CLSTN1: variants seen among roughly 807,000 people sequenced by gnomAD.
CLSTN1 encodes calsyntenin 1, also known as calsyntenin-1.
Under a neutral mutation model 108.3 loss-of-function variants are expected in CLSTN1, and 28 were observed. The observed-to-expected ratio is 0.26, with a 90% CI of 0.19 to 0.35. The LOEUF is 0.35. CLSTN1 is among the 10% of genes least tolerant of loss of function. CLSTN1 has a pLI of 1.00. For missense variants in CLSTN1, 1,157 were observed against 1,302.6 expected, an observed-to-expected ratio of 0.89 and a Z score of 1.72; for synonymous variants, 524 against 534.9, an observed-to-expected ratio of 0.98 and a Z score of 0.28.
At chr1:9,787,178 CAGA>C (rs111817764) in intron 1 of CLSTN1, among the ~76,000 whole-genome samples, 23,772 of 150,710 alleles carry the variant, frequency 0.16, 3,223 homozygotes, top group African/African-American at 0.35. Context: ...CAGGAGAATC[CAGA>C]AGAAGGGGCT....
intron 2 of CLSTN1, among the ~76,000 whole-genome samples, chr1:9,769,891 G>A (rs910290610): frequency 2.0e-5 from 3 of 152,196 alleles, no homozygotes; most frequent in South Asian, 2.1e-4. Flanking sequence ...TTAGCCGGGC[G>A]CGGTGGCGGA....
rs1026023641 is a variant in CLSTN1, at chr1:9,742,910, G to GA, written c.1356+973dup. Among the ~76,000 whole-genome samples, 117 of 147,568 alleles carry GA rather than the reference G, an allele frequency of 7.9e-4. 1 individual carries two copies. Among genetic ancestry groups the GA allele is most frequent in the Middle Eastern group, 3.5e-3 (1 of 284 alleles). The stretch of plus-strand genomic sequence containing the variant: ...AACAAAGCGAGACTCAGTCTCGGGG[G>GA]AAAAAAAAAAGAGACAAATGCTACC... On this transcript the variant is annotated intron_variant, in intron 9 of 18. Transcript: ENST00000377298.
chr1:9,738,041 C>A (rs143844705), intron 10 of CLSTN1, among the ~76,000 whole-genome samples: 121 of 152,264 alleles, frequency 7.9e-4, no homozygotes, highest in African/African-American at 2.8e-3. Context: ...AGTAAGCATG[C>A]GGAAGTCTGT....
intron 1 of CLSTN1, among the ~76,000 whole-genome samples, chr1:9,804,693 A>C (rs1654432192): frequency 6.6e-6 from 1 of 152,088 alleles, no homozygotes; most frequent in Non-Finnish European, 1.5e-5. Context: ...AAAAATACAA[A>C]ATTTCAGGCA....
intron 2 of CLSTN1, among the ~76,000 whole-genome samples, chr1:9,758,072 C>A (rs1345751246): frequency 6.6e-6 from 1 of 152,108 alleles, no homozygotes; most frequent in East Asian, 1.9e-4. Flanking sequence ...CGGCTCACTG[C>A]AACCTCTGCC....
At position 9,780,696 on chromosome 1, in the gene CLSTN1, T is replaced by C. The variant is rs115828481; in HGVS notation, c.92-7302A>G. 1,053 of 152,824 alleles carry C rather than the reference T, an allele frequency of 6.9e-3. 7 individuals are homozygous for C. Among genetic ancestry groups the C allele is most frequent in the Non-Finnish European group, 0.011 (748 of 68,412 alleles). 9.5% of individuals were successfully genotyped at this position (152,824 alleles called of 1,614,324 possible). A position where few individuals can be genotyped will look rare whatever the true frequency, so the allele number is the denominator to read the frequency against. On this transcript the variant is annotated intron_variant, in intron 1 of 18. Coordinates refer to ENST00000377298, the MANE Select transcript of CLSTN1 (RefSeq NM_001009566.3). ...CAAGTGACCGATGTTTCTGTCATCA[T>C]CACAAAAAAATGGCAAAGACAAGAG...
intron 4 of CLSTN1, among the ~76,000 whole-genome samples, chr1:9,752,762 T>C (rs1028434391): frequency 6.6e-6 from 1 of 152,118 alleles, no homozygotes; most frequent in Non-Finnish European, 1.5e-5. Context: ...CTTGGGAGGC[T>C]GAGGCACGAG....
chr1:9,778,423 G>C (rs189422428), intron 1 of CLSTN1, among the ~76,000 whole-genome samples: 3 of 152,246 alleles, frequency 2.0e-5, no homozygotes, highest in Admixed American at 2.0e-4. Flanking sequence ...TTCTCTCATG[G>C]AGAAGATAGC....
chr1:9,776,862 T>TTATCTATCATCTATCAGCATCTATC (rs1553179995), intron 1 of CLSTN1, among the ~76,000 whole-genome samples: 3 of 140,020 alleles, frequency 2.1e-5, no homozygotes, highest in African/African-American at 8.9e-5. Context: ...CTATCAGCAT[T>TTATCTATCATCTATCAGCATCTATC]TATCTATCTA....
intron 2 of CLSTN1, among the ~76,000 whole-genome samples, chr1:9,768,696 T>G (rs1217280434): frequency 3.4e-3 from 69 of 20,400 alleles, no homozygotes; most frequent in Admixed American, 5.1e-3. Flanking sequence ...ACCATGGGGG[T>G]GGGGTTCTGT....
chr1:9,778,266 A>ACACACACACGCACG (rs1004270678), intron 1 of CLSTN1, among the ~76,000 whole-genome samples: 3 of 150,116 alleles, frequency 2.0e-5, no homozygotes, highest in African/African-American at 7.4e-5. Context: ...ACACACACAC[A>ACACACACACGCACG]CACGCAGACT....
intron 2 of CLSTN1, among the ~76,000 whole-genome samples, chr1:9,766,573 T>C (rs964927930): frequency 1.3e-5 from 2 of 152,062 alleles, no homozygotes; most frequent in African/African-American, 2.4e-5. Context: ...GGCATGAGAA[T>C]TGCTTGAACC....
chr1:9,741,022 C>G, intron 10 of CLSTN1, 72 bp downstream of exon 10: 2 of 1,515,730 alleles, frequency 1.3e-6, no homozygotes, highest in Non-Finnish European at 1.8e-6. Context: ...CCGATCACAG[C>G]CTGCTGCCAC....
intron 1 of CLSTN1, among the ~76,000 whole-genome samples, chr1:9,820,986 T>C (rs948745968): frequency 5.3e-5 from 8 of 152,326 alleles, no homozygotes; most frequent in African/African-American, 1.7e-4. Context: ...TCGAAATGCA[T>C]TACATGGTTG....
At chr1:9,761,899 T>C (rs1206952300) in intron 2 of CLSTN1, among the ~76,000 whole-genome samples, 1 of 152,138 alleles carries the variant, frequency 6.6e-6, no homozygotes, top group Non-Finnish European at 1.5e-5. Context: ...CAGGAACTCA[T>C]GGAACTGACT....
At chr1:9,786,357 T>C (rs1653485730) in intron 1 of CLSTN1, among the ~76,000 whole-genome samples, 1 of 151,972 alleles carries the variant, frequency 6.6e-6, no homozygotes, top group African/African-American at 2.4e-5. Flanking sequence ...CTACGAAAGG[T>C]GAGGCTGGGC....
chr1:9,762,317 C>T (rs1282790459), intron 2 of CLSTN1, among the ~76,000 whole-genome samples: 3 of 152,008 alleles, frequency 2.0e-5, no homozygotes, highest in Admixed American at 6.6e-5. Context: ...AAAAATTAGC[C>T]GGACATGGTG....
intron 9 of CLSTN1, among the ~76,000 whole-genome samples, chr1:9,743,072 C>T (rs1330985614): frequency 6.6e-6 from 1 of 152,100 alleles, no homozygotes; most frequent in African/African-American, 2.4e-5. Flanking sequence ...TAACATATGT[C>T]AGCTTTTGTC....
Position 9,730,110 on chromosome 1 carries a change from GAAAA to G in CLSTN1, c.*394_*397del, listed in dbSNP as rs1360412516. 59 of 229,180 alleles carry G rather than the reference GAAAA, an allele frequency of 2.6e-4. No individual in the cohort carries two copies. The East Asian group carries it at 4.9e-3, about 19-fold the overall frequency. 14.2% of individuals were successfully genotyped at this position (229,180 alleles called of 1,614,324 possible). A position where few individuals can be genotyped will look rare whatever the true frequency, so the allele number is the denominator to read the frequency against. ...AAAATAAAAACTTTTTTTAAAAAAA[GAAAA>G]AAATGATTACCGGGTGGGAGTGAGC... On this transcript the variant is annotated 3_prime_UTR_variant, in exon 19 of 19. Transcript: ENST00000377298. This position sits in a 1 kb window ranked among gnomAD's most constrained non-coding sequence, Gnocchi z 5.6.
Sources: gnomAD v4.1 joint callset for allele counts (sites outside exome capture counted in the v4.1 genomes callset) on GRCh38, gnomAD v4.1.1 for gene constraint, Gnocchi (gnomAD v3.1) non-coding constraint, MANE v1.5 for transcripts, NCBI Gene and HGNC (gene_info 2026-07-23, HGNC 2026-07-21) for gene names.